The following SAMMSON variants were observed in gnomAD, a reference collection of about 807,000 sequenced individuals.
The protein encoded by SAMMSON is long intergenic non-protein coding RNA 1212.
At chr3:70,146,327 A>G (rs1182949769) in intron 4 of SAMMSON, among the ~76,000 whole-genome samples, 1 of 152,046 alleles carries the variant, frequency 6.6e-6, no homozygotes, top group Non-Finnish European at 1.5e-5. Context: ...TTATGACACC[A>G]GAATACCCCA....
intron 3 of SAMMSON, chr3:70,070,189 G>A (rs2067224694): frequency 6.6e-6 from 1 of 151,950 alleles, no homozygotes; most frequent in South Asian, 2.1e-4. Context: ...AAAAATAAGA[G>A]AGTTATAGTA....
intron 4 of SAMMSON, among the ~76,000 whole-genome samples, chr3:70,123,826 C>G (rs57518048): frequency 0.12 from 18,966 of 152,154 alleles, 1,225 homozygotes; most frequent in South Asian, 0.21. Context: ...GAAGGTAAAG[C>G]CTTCAGGCTT....
chr3:70,282,048 G>A (rs1472456627), intron 6 of SAMMSON, among the ~76,000 whole-genome samples: 1 of 152,082 alleles, frequency 6.6e-6, no homozygotes, highest in Non-Finnish European at 1.5e-5. Flanking sequence ...TTTGCTTGTT[G>A]CATATAAAGC....
At chr3:70,190,402 T>C (rs1270415910) in intron 4 of SAMMSON, among the ~76,000 whole-genome samples, 1 of 152,184 alleles carries the variant, frequency 6.6e-6, no homozygotes, top group African/African-American at 2.4e-5. Flanking sequence ...AATCTCCTGC[T>C]ATTCTTCAGT....
chr3:70,289,848 G>T (rs1256029732), intron 6 of SAMMSON, among the ~76,000 whole-genome samples: 3 of 151,874 alleles, frequency 2.0e-5, no homozygotes, highest in African/African-American at 7.3e-5. Context: ...CCAGTTGATT[G>T]CATCGGCTCC....
intron 6 of SAMMSON, among the ~76,000 whole-genome samples, chr3:70,290,758 C>T (rs1050977257): frequency 6.6e-6 from 1 of 152,198 alleles, no homozygotes; most frequent in Non-Finnish European, 1.5e-5. Context: ...GTTATAATCT[C>T]GTGGTGCGCC....
intron 4 of SAMMSON, among the ~76,000 whole-genome samples, chr3:70,202,257 G>A (rs1312290406): frequency 6.6e-6 from 1 of 152,088 alleles, no homozygotes; most frequent in African/African-American, 2.4e-5. Flanking sequence ...CTATTTGATA[G>A]TGGTCAGTGA....
chr3:70,395,875 C>G (rs538211250), intron 2 of SAMMSON, among the ~76,000 whole-genome samples: 3 of 152,082 alleles, frequency 2.0e-5, no homozygotes, highest in African/African-American at 7.2e-5. Context: ...CTTAAAGGCA[C>G]GAGCTTGGAA....
intron 6 of SAMMSON, among the ~76,000 whole-genome samples, chr3:70,280,211 G>A (rs945606781): frequency 1.3e-5 from 2 of 152,076 alleles, no homozygotes; most frequent in Admixed American, 6.5e-5. Context: ...TCTTCTGTGT[G>A]TGTCAAATCT....
intron 3 of SAMMSON, among the ~76,000 whole-genome samples, chr3:70,037,000 T>C (rs1278081175): frequency 2.0e-5 from 3 of 152,028 alleles, no homozygotes; most frequent in Non-Finnish European, 4.4e-5. Context: ...TAATAGAATG[T>C]CAAAAGGTAG....
chr3:70,267,981 G>GCCTCCCCTTTCA (rs1311734746), intron 6 of SAMMSON, among the ~76,000 whole-genome samples: 1 of 111,774 alleles, frequency 8.9e-6, no homozygotes, highest in Non-Finnish European at 1.8e-5. Flanking sequence ...CTCCCCTTTC[G>GCCTCCCCTTTCA]CCTCCCCTTT....
intron 9 of SAMMSON, among the ~76,000 whole-genome samples, chr3:70,358,586 A>G (rs1383975864): frequency 6.6e-6 from 1 of 152,166 alleles, no homozygotes; most frequent in Non-Finnish European, 1.5e-5. Flanking sequence ...GAAGTGGCAT[A>G]TAGGAGTTGT....
intron 2 of SAMMSON, chr3:70,425,251 C>G (rs1701352380): frequency 6.6e-6 from 1 of 152,102 alleles, no homozygotes; most frequent in Non-Finnish European, 1.5e-5. Context: ...ACTTAATGAT[C>G]TCAAATCTAC....
At chr3:70,366,492 G>GTTTTTTTTTTTTT in intron 9 of SAMMSON, among the ~76,000 whole-genome samples, 28 of 100,740 alleles carry the variant, frequency 2.8e-4, no homozygotes, top group Non-Finnish European at 3.5e-4. Flanking sequence ...GTGTTTTTAT[G>GTTTTTTTTTTTTT]TTTTTTTTTT....
At chr3:70,169,685 C>T (rs1423193921) in intron 4 of SAMMSON, among the ~76,000 whole-genome samples, 5 of 146,020 alleles carry the variant, frequency 3.4e-5, no homozygotes, top group African/African-American at 1.3e-4. Flanking sequence ...TTGATTTGCT[C>T]CCCAGAACAG....
At chr3:70,324,514 C>T (rs549729138) in intron 7 of SAMMSON, among the ~76,000 whole-genome samples, 31 of 152,264 alleles carry the variant, frequency 2.0e-4, no homozygotes, top group African/African-American at 7.0e-4. Flanking sequence ...TACATATTCA[C>T]ATAGTAAAGG....
chr3:70,095,473 A>T (rs2067319858), intron 4 of SAMMSON, among the ~76,000 whole-genome samples: 1 of 152,170 alleles, frequency 6.6e-6, no homozygotes, highest in African/African-American at 2.4e-5. Context: ...CTCCATCTCA[A>T]ATCCTTTATG....
At chr3:70,084,330 C>G (rs1409364467) in intron 4 of SAMMSON, among the ~76,000 whole-genome samples, 2 of 152,160 alleles carry the variant, frequency 1.3e-5, no homozygotes, top group Non-Finnish European at 2.9e-5. Context: ...GGATTTGAAA[C>G]AGAAACCACC....
chr3:70,308,977 G>C (rs1444724706), intron 7 of SAMMSON, among the ~76,000 whole-genome samples: 2 of 152,288 alleles, frequency 1.3e-5, no homozygotes, highest in East Asian at 3.9e-4. Flanking sequence ...CCAGAGGGAG[G>C]CAGCAGAGTC....
Sources: allele counts gnomAD v4.1 joint callset (sites outside exome capture counted in the v4.1 genomes callset), GRCh38; gene constraint gnomAD v4.1.1; transcripts MANE v1.5; gene names NCBI Gene and HGNC (gene_info 2026-07-23, HGNC 2026-07-21).